FGGY: variants seen among roughly 807,000 people sequenced by gnomAD.
FGGY encodes the protein FGGY carbohydrate kinase domain containing, also known as FGGY carbohydrate kinase domain-containing protein.
In FGGY, 72 loss-of-function variants were observed where a neutral mutation model predicts 71.3. The observed-to-expected ratio is 1.01, with a 90% CI of 0.84 to 1.23. FGGY has a LOEUF of 1.23. Ranked by LOEUF, FGGY falls within the 50% of genes most tolerant of loss-of-function variation. The pLI, the probability that FGGY is intolerant of heterozygous loss-of-function variation, is 0.00. For missense variants in FGGY, 668 were observed against 682.3 expected, an observed-to-expected ratio of 0.98 and a Z score of 0.23; for synonymous variants, 251 against 250.3, an observed-to-expected ratio of 1.00 and a Z score of -0.02.
At chr1:59,666,007 T>C (rs2097322123) in intron 12 of FGGY, among the ~76,000 whole-genome samples, 1 of 152,178 alleles carries the variant, frequency 6.6e-6, no homozygotes, top group South Asian at 2.1e-4. Context: ...TAAACTCCGA[T>C]TCTTCTTGCC....
chr1:59,517,495 G>A (rs1262357339), intron 7 of FGGY, among the ~76,000 whole-genome samples: 1 of 151,848 alleles, frequency 6.6e-6, no homozygotes, highest in East Asian at 1.9e-4. Context: ...TCGATCTCCT[G>A]ACCTCGTGAT....
At chr1:59,590,345 A>C (rs2096405525) in intron 8 of FGGY, among the ~76,000 whole-genome samples, 1 of 152,244 alleles carries the variant, frequency 6.6e-6, no homozygotes, top group Non-Finnish European at 1.5e-5. Flanking sequence ...TTACAGCTGA[A>C]TTCTACCAGA....
intron 5 of FGGY, among the ~76,000 whole-genome samples, chr1:59,448,311 T>G (rs1479131527): frequency 6.6e-6 from 1 of 152,190 alleles, no homozygotes; most frequent in Non-Finnish European, 1.5e-5. Context: ...AAGCCTCTTT[T>G]TGTTTTTGTA....
intron 7 of FGGY, among the ~76,000 whole-genome samples, chr1:59,536,303 C>A (rs181622015): frequency 5.9e-5 from 9 of 152,222 alleles, no homozygotes; most frequent in Admixed American, 3.3e-4. Flanking sequence ...TCTGAATAGA[C>A]CAATAACAGG....
chr1:59,438,142 G>A (rs755423907), intron 5 of FGGY, among the ~76,000 whole-genome samples: 4 of 152,170 alleles, frequency 2.6e-5, no homozygotes, highest in Non-Finnish European at 5.9e-5. Flanking sequence ...TCCTCACCAA[G>A]GCTTTTAGTT....
intron 6 of FGGY, among the ~76,000 whole-genome samples, chr1:59,472,061 G>A (rs2092969394): frequency 6.6e-6 from 1 of 152,254 alleles, no homozygotes; most frequent in Non-Finnish European, 1.5e-5. Context: ...CCGCTGCACT[G>A]TGGGAGCCCC....
chr1:59,625,264 G>A lies in FGGY; in HGVS notation c.1012-724G>A, dbSNP rs72919621. On this transcript the variant is annotated intron_variant, in intron 9 of 15. Coordinates refer to ENST00000303721, the MANE Select transcript of FGGY (RefSeq NM_018291.5). ...AGTAAATGCATGGAGAAACATTTCTGTCCCTGATACATATTTCATACTATT... is the reference window on the plus strand; with the variant it reads ...AGTAAATGCATGGAGAAACATTTCTATCCCTGATACATATTTCATACTATT... Among the ~76,000 whole-genome samples, 981 of 152,252 alleles carry A rather than the reference G, an allele frequency of 6.4e-3. 9 individuals are homozygous for A. The highest frequency in any genetic ancestry group is 0.022 in the African/African-American group (914 of 41,544).
At chr1:59,364,811 A>T (rs1197333431) in intron 4 of FGGY, among the ~76,000 whole-genome samples, 1 of 152,230 alleles carries the variant, frequency 6.6e-6, no homozygotes, top group Non-Finnish European at 1.5e-5. Context: ...ACACATAGAC[A>T]TATACATGCT....
At chr1:59,657,314 C>T (rs948005275) in intron 11 of FGGY, among the ~76,000 whole-genome samples, 21 of 152,164 alleles carry the variant, frequency 1.4e-4, no homozygotes, top group Admixed American at 1.4e-3. Context: ...TAATCCTCTT[C>T]CCATTGATGA....
At position 59,321,675 on chromosome 1, in the gene FGGY, G is replaced by C; in HGVS notation, c.126G>C (p.Lys42Asn). ...TGGCTTTTGCAGACCAGCCAATTAA[G>C]AATTGGGAGCCCCAGTTCAACCACC... Reference protein sequence around the residue: ...VLLAFADQPIKNWEPQFNHHE... With the variant: ...VLLAFADQPINNWEPQFNHHE... Residue 42 changes from lysine to asparagine, a missense_variant, in exon 2 of 16, where the codon AAG becomes AAC. Physicochemically the swap from Lys to Asn is moderately conservative, Grantham distance 94 (BLOSUM62 0). Transcript: ENST00000303721. 6.2e-7 allele frequency: 1 copy of C among 1,613,374 alleles called. No individual in the cohort carries two copies. The highest frequency in any genetic ancestry group is 8.5e-7 in the Non-Finnish European group (1 of 1,179,632).
At chr1:59,521,038 G>T (rs995873106) in intron 7 of FGGY, among the ~76,000 whole-genome samples, 1 of 145,812 alleles carries the variant, frequency 6.9e-6, no homozygotes, top group Non-Finnish European at 1.5e-5. Context: ...ATTGGGGGTG[G>T]GGGGGGATTA....
chr1:59,326,545 A>G (rs1420037541), intron 2 of FGGY, among the ~76,000 whole-genome samples: 1 of 152,088 alleles, frequency 6.6e-6, no homozygotes, highest in Non-Finnish European at 1.5e-5. Context: ...GAGTTAAGTG[A>G]TTTTCCTAAG....
intron 5 of FGGY, among the ~76,000 whole-genome samples, chr1:59,386,969 A>G (rs1241211457): frequency 6.6e-6 from 1 of 152,094 alleles, no homozygotes; most frequent in Non-Finnish European, 1.5e-5. Context: ...ATTAGTAAAT[A>G]TTCTACCTTT....
At chr1:59,600,018 A>G (rs2153807827) in intron 8 of FGGY, among the ~76,000 whole-genome samples, 1 of 152,310 alleles carries the variant, frequency 6.6e-6, no homozygotes, top group South Asian at 2.1e-4. Flanking sequence ...TGTGTATTAG[A>G]AAGATCATTG....
intron 5 of FGGY, among the ~76,000 whole-genome samples, chr1:59,384,238 G>A (rs779097497): frequency 9.0e-5 from 13 of 145,004 alleles, no homozygotes; most frequent in Non-Finnish European, 1.5e-4. Context: ...CACCCACCCC[G>A]TACTTGTGAG....
intron 4 of FGGY, among the ~76,000 whole-genome samples, chr1:59,353,553 G>T (rs546130597): frequency 6.6e-6 from 1 of 152,204 alleles, no homozygotes; most frequent in East Asian, 1.9e-4. Context: ...AATTCCAAAG[G>T]CAGCCAACTT....
At chr1:59,340,429 A>T (rs933913913) in intron 3 of FGGY, among the ~76,000 whole-genome samples, 1 of 152,170 alleles carries the variant, frequency 6.6e-6, no homozygotes, top group African/African-American at 2.4e-5. Context: ...TTTGTATACG[A>T]TATTCCTATT....
At chr1:59,652,770 A>G (rs12087304) in intron 11 of FGGY, among the ~76,000 whole-genome samples, 12 of 152,026 alleles carry the variant, frequency 7.9e-5, no homozygotes, top group African/African-American at 1.7e-4. Flanking sequence ...GTCATTCTCC[A>G]TCCAGCTTTG....
chr1:59,756,480 C>T (rs558848354), intron 14 of FGGY, among the ~76,000 whole-genome samples: 65 of 152,318 alleles, frequency 4.3e-4, no homozygotes, highest in African/African-American at 1.5e-3. Context: ...GAAGTTTATC[C>T]GCTTCTAGCG....
Sources: gnomAD v4.1 joint callset for allele counts (sites outside exome capture counted in the v4.1 genomes callset) on GRCh38, gnomAD v4.1.1 for gene constraint, MANE v1.5 for transcripts, NCBI Gene and HGNC (gene_info 2026-07-23, HGNC 2026-07-21) for gene names.